BCAS3: variants seen among roughly 807,000 people sequenced by gnomAD.
The protein encoded by BCAS3 is BCAS4/BCAS3 fusion.
Under a neutral mutation model 116.1 loss-of-function variants are expected in BCAS3, and 53 were observed. The observed-to-expected ratio is 0.46, with a 90% CI of 0.37 to 0.57. The LOEUF is 0.57. Ranked by LOEUF, BCAS3 falls within the 20% of genes least tolerant of loss-of-function variation. The pLI is 0.00. For synonymous variants in BCAS3, 391 were observed against 408.2 expected, an observed-to-expected ratio of 0.96 and a Z score of 0.51; for missense variants, 917 against 1,165.4, an observed-to-expected ratio of 0.79 and a Z score of 3.10.
Position 61,364,090 on chromosome 17 carries a change from C to T in BCAS3, c.2426-4237C>T, listed in dbSNP as rs1417534868. Among the ~76,000 whole-genome samples the T allele has an allele frequency of 6.6e-6, 1 of 152,192 alleles. No individual in the cohort carries two copies. Among genetic ancestry groups the T allele is most frequent in the Non-Finnish European group, 1.5e-5 (1 of 68,026 alleles). ...GGGTATGGCAGAGCCTCTGATGGGA[C>T]TCCTAGCAGGATAAGCAGGACCACT... On this transcript the variant is annotated intron_variant, in intron 22 of 23. Coordinates refer to ENST00000407086, the MANE Select transcript of BCAS3 (RefSeq NM_017679.5). This position sits in a 1 kb window ranked among gnomAD's most constrained non-coding sequence, Gnocchi z 5.4.
intron 19 of BCAS3, among the ~76,000 whole-genome samples, chr17:61,054,943 T>C (rs2069225260): frequency 6.6e-6 from 1 of 152,196 alleles, no homozygotes; most frequent in Admixed American, 6.5e-5. Context: ...AAAGCATCTA[T>C]TGGTTGTAAA....
At chr17:61,138,396 A>G (rs139305143) in intron 22 of BCAS3, among the ~76,000 whole-genome samples, 1 of 152,336 alleles carries the variant, frequency 6.6e-6, no homozygotes. Context: ...TTGAGTATCT[A>G]CGTGGGAACT....
rs1260842269 is a variant in BCAS3 at position 61,316,080 on chromosome 17, G to A, written c.2426-52247G>A. Among the ~76,000 whole-genome samples the A allele has an allele frequency of 6.6e-6, 1 of 152,104 alleles. No individual in the cohort carries two copies. The highest frequency in any genetic ancestry group is 2.4e-5 in the African/African-American group (1 of 41,412). Reference sequence around the variant, plus strand: ...AGCATTTTGGGAAGTCGAGGCAGGTGGATCACCTGAGGTCAGGAGTTCGAA... The same window carrying A: ...AGCATTTTGGGAAGTCGAGGCAGGTAGATCACCTGAGGTCAGGAGTTCGAA... On this transcript the variant is annotated intron_variant, in intron 22 of 23. Transcript: ENST00000407086. This position sits in a 1 kb window ranked among gnomAD's most constrained non-coding sequence, Gnocchi z 5.8.
At chr17:60,913,186 G>A (rs1249248140) in intron 12 of BCAS3, among the ~76,000 whole-genome samples, 1 of 152,002 alleles carries the variant, frequency 6.6e-6, no homozygotes, top group Admixed American at 6.5e-5. Flanking sequence ...AAACAAATAT[G>A]TTTATTAAGA....
chr17:60,712,040 C>T (rs559365678), intron 5 of BCAS3, among the ~76,000 whole-genome samples: 22 of 151,986 alleles, frequency 1.4e-4, no homozygotes, highest in Admixed American at 1.2e-3. Context: ...TGGCACATGT[C>T]TGTAGTCCCA....
rs1347072889 is a variant in BCAS3 at position 61,041,467 on chromosome 17, CA to C, written c.2029+577del. Among the ~76,000 whole-genome samples, 2 of 149,682 alleles carry C rather than the reference CA, an allele frequency of 1.3e-5. No homozygotes were observed. The highest frequency in any genetic ancestry group is 3.0e-5 in the Non-Finnish European group (2 of 66,488). On this transcript the variant is annotated intron_variant, in intron 19 of 23. Transcript: ENST00000407086. This position sits in a 1 kb window ranked among gnomAD's most constrained non-coding sequence, Gnocchi z 4.7. Reference sequence around the variant, plus strand: ...TTTTTATATGGGAGTCATTTAAAGGCAATTTAGTATTTATTATCCAGTTTGC... The same window carrying C: ...TTTTTATATGGGAGTCATTTAAAGGCATTTAGTATTTATTATCCAGTTTGC...
At position 61,249,694 on chromosome 17, in the gene BCAS3, A is replaced by T. The variant is rs897175234; in HGVS notation, c.2426-118633A>T. Among the ~76,000 whole-genome samples, 7 of 151,950 alleles carry T rather than the reference A, an allele frequency of 4.6e-5. No individual in the cohort carries two copies. The highest frequency in any genetic ancestry group is 2.1e-4 in the South Asian group (1 of 4,834). ...TTAGGAAGCTCAGAATTATTTAGAAATACTTGTGAAATCATGGTCACAGGA... is the reference window on the plus strand; with the variant it reads ...TTAGGAAGCTCAGAATTATTTAGAATTACTTGTGAAATCATGGTCACAGGA... On this transcript the variant is annotated intron_variant, in intron 22 of 23. Coordinates refer to ENST00000407086, the MANE Select transcript of BCAS3 (RefSeq NM_017679.5). The surrounding 1 kb of genome is among the most constrained non-coding windows in gnomAD (Gnocchi z 6.2).
rs994176284 is a variant in BCAS3, at chr17:61,004,522, G to A, written c.1487-11229G>A. Among the ~76,000 whole-genome samples the A allele has an allele frequency of 6.6e-6, 1 of 152,038 alleles. No individual in the cohort carries two copies. Among genetic ancestry groups the A allele is most frequent in the African/African-American group, 2.4e-5 (1 of 41,418 alleles). On this transcript the variant is annotated intron_variant, in intron 15 of 23. Transcript: ENST00000407086. This position sits in a 1 kb window ranked among gnomAD's most constrained non-coding sequence, Gnocchi z 4.8. ...AATAACAGACATGAATAGTCTTGAG[G>A]TTGAAATCTGAGCAGGAACTAGAAA...
intron 22 of BCAS3, among the ~76,000 whole-genome samples, chr17:61,240,321 G>A (rs1377702789): frequency 1.3e-5 from 2 of 152,160 alleles, no homozygotes; most frequent in African/African-American, 4.8e-5. Flanking sequence ...CTGATTCCAA[G>A]GTCCATATTC....
intron 12 of BCAS3, among the ~76,000 whole-genome samples, chr17:60,921,246 T>C (rs1213977427): frequency 6.6e-6 from 1 of 152,166 alleles, no homozygotes; most frequent in African/African-American, 2.4e-5. Flanking sequence ...AATGAAATCA[T>C]GTCATTTACA....
At chr17:61,067,200 A>T (rs1355038434) in intron 19 of BCAS3, among the ~76,000 whole-genome samples, 1 of 146,346 alleles carries the variant, frequency 6.8e-6, no homozygotes, top group Admixed American at 6.9e-5. Context: ...TTTATTATAT[A>T]GGATTCAGAC....
intron 22 of BCAS3, among the ~76,000 whole-genome samples, chr17:61,319,279 A>G (rs2054997397): frequency 6.6e-6 from 1 of 152,228 alleles, no homozygotes; most frequent in Non-Finnish European, 1.5e-5. Context: ...TGAAATCCTC[A>G]GAGAGCTTTC....
chr17:61,373,169 C>T (rs909649276), intron 23 of BCAS3, among the ~76,000 whole-genome samples: 2 of 151,822 alleles, frequency 1.3e-5, no homozygotes, highest in Non-Finnish European at 2.9e-5. Flanking sequence ...CGGCTCACTG[C>T]AACCTCCGTC....
chr17:61,313,470 G>A lies in BCAS3; in HGVS notation c.2426-54857G>A, dbSNP rs536725013. ...CCCAGTTGGCTCCTCTCTGAGAGCG[G>A]GTAAGAGTAGAAAAGAATTGCTGAT... is the stretch of plus-strand genomic sequence containing the variant. On this transcript the variant is annotated intron_variant, in intron 22 of 23. Transcript: ENST00000407086. This position sits in a 1 kb window ranked among gnomAD's most constrained non-coding sequence, Gnocchi z 4.3. Among the ~76,000 whole-genome samples, 1 of 152,180 alleles carries A rather than the reference G, an allele frequency of 6.6e-6. No individual in the cohort carries two copies.
chr17:60,772,063 A>G (rs1353193877), intron 6 of BCAS3, among the ~76,000 whole-genome samples: 1 of 152,184 alleles, frequency 6.6e-6, no homozygotes, highest in East Asian at 1.9e-4. Flanking sequence ...TCCTTTGGGT[A>G]TATACCCAGT....
intron 5 of BCAS3, among the ~76,000 whole-genome samples, chr17:60,734,753 A>T (rs960696871): frequency 6.6e-6 from 1 of 152,216 alleles, no homozygotes. Context: ...TTGAAATCAG[A>T]TAGCATCAGT....
chr17:60,766,132 A>G (rs927216029), intron 6 of BCAS3, among the ~76,000 whole-genome samples: 1 of 152,110 alleles, frequency 6.6e-6, no homozygotes, highest in African/African-American at 2.4e-5. Context: ...GGGTTCGAAC[A>G]TCCTCCTTTA....
intron 14 of BCAS3, among the ~76,000 whole-genome samples, chr17:60,951,323 A>G (rs952784558): frequency 6.6e-6 from 1 of 152,150 alleles, no homozygotes; most frequent in Non-Finnish European, 1.5e-5. Context: ...TTTGAATAAT[A>G]TCTTTTATTT....
At chr17:60,937,847 C>T (rs1175186802) in intron 13 of BCAS3, among the ~76,000 whole-genome samples, 7 of 152,178 alleles carry the variant, frequency 4.6e-5, no homozygotes, top group African/African-American at 1.7e-4. Context: ...ATGAATTTAG[C>T]ATTAGTTGAC....
Sources: gnomAD v4.1 joint callset for allele counts (sites outside exome capture counted in the v4.1 genomes callset) on GRCh38, gnomAD v4.1.1 for gene constraint, Gnocchi (gnomAD v3.1) non-coding constraint, MANE v1.5 for transcripts, NCBI Gene and HGNC (gene_info 2026-07-23, HGNC 2026-07-21) for gene names.